GRIK4: variants seen among roughly 807,000 people sequenced by gnomAD.
GRIK4 encodes the protein glutamate receptor ionotropic, kainate 4.
Under a neutral mutation model 104.9 loss-of-function variants are expected in GRIK4, and 40 were observed. The ratio of observed to expected loss-of-function variants is 0.38; its 90% CI spans 0.30 to 0.50. The LOEUF is 0.50. GRIK4 is among the 20% of genes least tolerant of loss of function. GRIK4 has a pLI of 0.93. For missense variants in GRIK4, 1,047 were observed against 1,308.1 expected (o/e 0.80, Z 3.08); for synonymous variants, 485 against 524.9 (o/e 0.92, Z 1.04).
chr11:120,978,206 A>G (rs548775105), intron 19 of GRIK4, among the ~76,000 whole-genome samples: 1 of 152,214 alleles, frequency 6.6e-6, no homozygotes, highest in Non-Finnish European at 1.5e-5. Flanking sequence ...TTCCCCTCAA[A>G]GAGCTCACAG....
intron 13 of GRIK4, among the ~76,000 whole-genome samples, chr11:120,921,259 C>T (rs1237501630): frequency 6.6e-6 from 1 of 152,206 alleles, no homozygotes; most frequent in Admixed American, 6.5e-5. Context: ...ATGTAAGTTT[C>T]CTGAGGTCAG....
At chr11:120,668,138 GATAGATAGATAA>G (rs758167303) in intron 3 of GRIK4, among the ~76,000 whole-genome samples, 1 of 150,116 alleles carries the variant, frequency 6.7e-6, no homozygotes, top group East Asian at 1.9e-4. Context: ...TAGATAGATA[GATAGATAGATAA>G]GTAGGTAGAT....
chr11:120,809,805 C>T (rs911327455), intron 4 of GRIK4, among the ~76,000 whole-genome samples: 3 of 152,198 alleles, frequency 2.0e-5, no homozygotes, highest in African/African-American at 7.2e-5. Flanking sequence ...TGGCTCATGC[C>T]TGTAAATCCC....
At position 120,867,230 on chromosome 11, in the gene GRIK4, T is replaced by G. The variant is rs897469394; in HGVS notation, c.906+5110T>G. Reference sequence around the variant, plus strand: ...CACACCTCTCTCAAGGCTTCTCACTTTAGCAACCAGCTTTTGAAAAGTGGT... The same window carrying G: ...CACACCTCTCTCAAGGCTTCTCACTGTAGCAACCAGCTTTTGAAAAGTGGT... On this transcript the variant is annotated intron_variant, in intron 9 of 20. Transcript: ENST00000527524. 7.2e-5 allele frequency among the ~76,000 whole-genome samples: 11 copies of G among 152,300 alleles called. No individual in the cohort carries two copies. In the East Asian group the frequency reaches 1.9e-3, roughly 27 times the overall value.
intron 3 of GRIK4, among the ~76,000 whole-genome samples, chr11:120,800,162 A>G (rs1591929967): frequency 6.6e-6 from 1 of 151,908 alleles, no homozygotes; most frequent in South Asian, 2.1e-4. Context: ...CCCCTATTAT[A>G]TTTTTAATAG....
intron 3 of GRIK4, among the ~76,000 whole-genome samples, chr11:120,736,929 A>G (rs1951235592): frequency 6.6e-6 from 1 of 152,176 alleles, no homozygotes; most frequent in East Asian, 1.9e-4. Context: ...GGCTGATCCC[A>G]GGTCTGGGCA....
chr11:120,587,142 G>A (rs1166227177), intron 1 of GRIK4, among the ~76,000 whole-genome samples: 3 of 152,056 alleles, frequency 2.0e-5, no homozygotes, highest in East Asian at 1.9e-4. Flanking sequence ...TATTAGAGGC[G>A]GCAGTCTCTG....
intron 3 of GRIK4, among the ~76,000 whole-genome samples, chr11:120,783,135 A>G (rs1026112936): frequency 2.0e-5 from 3 of 152,262 alleles, no homozygotes; most frequent in African/African-American, 4.8e-5. Context: ...CAGCCCCCCC[A>G]CAGAGAATTA....
At position 120,985,973 on chromosome 11, in the gene GRIK4, C is replaced by G. The variant is rs566683883; in HGVS notation, c.2584C>G (p.Arg862Gly). The change falls in exon 21 of 21, where the codon CGC becomes GGC. Residue 862 changes from arginine to glycine, a missense_variant. Arg to Gly is a moderately radical substitution (Grantham distance 125, BLOSUM62 -2). This residue lies in a region of GRIK4 where 440 missense variants were observed against 652.3 expected (regional missense o/e 0.67). Transcript: ENST00000527524. Reference protein sequence around the residue: ...IILCQDSIHPRRRRAAVPPPR... With the variant: ...IILCQDSIHPGRRRAAVPPPR... ...CCTGTGTCAGGACAGTATCCACCCC[C>G]GCCGGCGGCGCGCCGCAGTCCCGCC... is the stretch of plus-strand genomic sequence containing the variant. 6.5e-7 allele frequency: 1 copy of G among 1,535,518 alleles called. No individual in the cohort carries two copies. Among genetic ancestry groups the G allele is most frequent in the African/African-American group, 1.4e-5 (1 of 70,578 alleles).
At chr11:120,550,718 G>A (rs1175498501) in intron 1 of GRIK4, among the ~76,000 whole-genome samples, 3 of 152,074 alleles carry the variant, frequency 2.0e-5, no homozygotes, top group Admixed American at 1.3e-4. Context: ...GGAGTCACAC[G>A]GGAGAAGCAT....
rs112641412 is a variant in GRIK4 at position 120,620,711 on chromosome 11, G to T, written c.-158-32974G>T. 6.6e-3 allele frequency among the ~76,000 whole-genome samples: 999 copies of T among 152,272 alleles called. 11 individuals carry two copies. The highest frequency in any genetic ancestry group is 0.021 in the African/African-American group (866 of 41,558). Reference sequence around the variant, plus strand: ...TAATTTTTTAAATAAATATTTATTAGTATTTTGCTCCAATCACATCAGGTA... The same window carrying T: ...TAATTTTTTAAATAAATATTTATTATTATTTTGCTCCAATCACATCAGGTA... On this transcript the variant is annotated intron_variant, in intron 1 of 20. Transcript: ENST00000527524.
intron 3 of GRIK4, among the ~76,000 whole-genome samples, chr11:120,693,720 T>G (rs540175231): frequency 6.6e-6 from 1 of 152,250 alleles, no homozygotes; most frequent in South Asian, 2.1e-4. Flanking sequence ...GGAAGCCAGT[T>G]TATCAGGATT....
At chr11:120,620,527 G>T (rs528843542) in intron 1 of GRIK4, among the ~76,000 whole-genome samples, 1 of 152,132 alleles carries the variant, frequency 6.6e-6, no homozygotes, top group South Asian at 2.1e-4. Flanking sequence ...TACAGATGGG[G>T]TCTCCCTATG....
intron 3 of GRIK4, among the ~76,000 whole-genome samples, chr11:120,754,792 C>T (rs531859635): frequency 1.3e-4 from 20 of 152,310 alleles, no homozygotes; most frequent in Non-Finnish European, 2.2e-4. Flanking sequence ...TGTTGAGGAT[C>T]TTTTCATGTG....
At chr11:120,879,857 C>T (rs1266572298) in intron 11 of GRIK4, among the ~76,000 whole-genome samples, 1 of 152,196 alleles carries the variant, frequency 6.6e-6, no homozygotes, top group Admixed American at 6.5e-5. Context: ...AGTATAGTCT[C>T]CCTTCCTGAT....
chr11:120,786,877 A>G (rs1015049553), intron 3 of GRIK4, among the ~76,000 whole-genome samples: 2 of 152,230 alleles, frequency 1.3e-5, no homozygotes, highest in Non-Finnish European at 2.9e-5. Context: ...ACGCAGTGCT[A>G]TAGCCATTAG....
rs1206975124 is a variant in GRIK4 at position 120,923,127 on chromosome 11, C to T, written c.1477-17220C>T. Among the ~76,000 whole-genome samples, 3 of 152,156 alleles carry T rather than the reference C, an allele frequency of 2.0e-5. No individual in the cohort carries two copies. The East Asian group carries it at 5.8e-4, about 29-fold the overall frequency. On this transcript the variant is annotated intron_variant, in intron 13 of 20. Coordinates refer to ENST00000527524, the MANE Select transcript of GRIK4 (RefSeq NM_014619.5). ...GTGGGACACAGGTGGGAGATCAAAACAGATGCTAGGTGTGGCCGGTAAGTC... is the reference window on the plus strand; with the variant it reads ...GTGGGACACAGGTGGGAGATCAAAATAGATGCTAGGTGTGGCCGGTAAGTC...
At chr11:120,948,306 C>A (rs145591561) in intron 14 of GRIK4, among the ~76,000 whole-genome samples, 1 of 152,210 alleles carries the variant, frequency 6.6e-6, no homozygotes, top group African/African-American at 2.4e-5. Flanking sequence ...TATGAAGGAC[C>A]CTTTGTCCTT....
At chr11:120,938,476 T>C (rs1001011382) in intron 13 of GRIK4, among the ~76,000 whole-genome samples, 3 of 152,184 alleles carry the variant, frequency 2.0e-5, no homozygotes, top group African/African-American at 7.2e-5. Flanking sequence ...GTGACTGCTT[T>C]ATGGGGTGGA....
Sources: allele counts gnomAD v4.1 joint callset (sites outside exome capture counted in the v4.1 genomes callset), GRCh38; gene constraint gnomAD v4.1.1; regional missense constraint gnomAD v4.1.1; transcripts MANE v1.5; gene names NCBI Gene and HGNC (gene_info 2026-07-23, HGNC 2026-07-21).